CSMD2: variants seen among roughly 807,000 people sequenced by gnomAD.
The protein encoded by CSMD2 is CUB and sushi domain-containing protein 2.
Under a neutral mutation model 398.5 loss-of-function variants are expected in CSMD2, and 130 were observed. That is an observed-to-expected ratio of 0.33 (90% CI 0.28 to 0.38). The LOEUF is 0.38. Among genes scored for constraint, CSMD2 ranks in the 10% least tolerant of loss-of-function variants. The probability of loss-of-function intolerance (pLI) is 1.00; values close to 1 mark genes in which losing one functional copy is unlikely to be tolerated. For synonymous variants in CSMD2, 1,828 were observed against 1,908.5 expected (o/e 0.96, Z 1.10); for missense variants, 3,829 against 4,764.9 (o/e 0.80, Z 5.78).
At chr1:33,976,448 T>C (rs1415535139) in intron 3 of CSMD2, among the ~76,000 whole-genome samples, 2 of 152,130 alleles carry the variant, frequency 1.3e-5, no homozygotes, top group Admixed American at 6.5e-5. Context: ...CAACCCACCA[T>C]TGCAGCACTA....
intron 4 of CSMD2, among the ~76,000 whole-genome samples, chr1:33,935,117 G>T (rs1030927377): frequency 3.3e-5 from 5 of 151,966 alleles, no homozygotes; most frequent in Admixed American, 3.3e-4. Flanking sequence ...GGAGTAGAGT[G>T]ACAAATGTCT....
At position 33,743,511 on chromosome 1, in the gene CSMD2, T is replaced by C. The variant is rs1253839430; in HGVS notation, c.1942A>G (p.Ile648Val). Reference protein sequence around the residue: ...YGNHLHCVWLILARPESRIHL... With the variant: ...YGNHLHCVWLVLARPESRIHL... ...ATGCGGCTCTCAGGCCTGGCCAGGATGAGCCAGACACAGTGGAGGTGGTTG... is the reference window on the plus strand; with the variant it reads ...ATGCGGCTCTCAGGCCTGGCCAGGACGAGCCAGACACAGTGGAGGTGGTTG... The change falls in exon 14 of 71, where the codon ATC becomes GTC. Residue 648 changes from isoleucine to valine, a missense_variant. Physicochemically the swap from Ile to Val is conservative, Grantham distance 29 (BLOSUM62 3). Transcript: ENST00000373381. The C allele has an allele frequency of 6.2e-7, 1 of 1,614,018 alleles. No individual in the cohort carries two copies. The highest frequency in any genetic ancestry group is 1.1e-5 in the South Asian group (1 of 91,072).
chr1:33,717,157 C>G (rs577292287), intron 19 of CSMD2, among the ~76,000 whole-genome samples: 1 of 152,096 alleles, frequency 6.6e-6, no homozygotes, highest in Admixed American at 6.5e-5. Flanking sequence ...TGAGCAGCAG[C>G]TGGGTGTGGC....
intron 4 of CSMD2, among the ~76,000 whole-genome samples, chr1:33,934,264 C>T (rs1644398974): frequency 1.3e-5 from 2 of 152,178 alleles, no homozygotes; most frequent in African/African-American, 4.8e-5. Context: ...GTTCAGGATC[C>T]ATGGAATTTA....
At chr1:34,047,768 G>A (rs1003525811) in intron 2 of CSMD2, among the ~76,000 whole-genome samples, 5 of 152,180 alleles carry the variant, frequency 3.3e-5, no homozygotes, top group African/African-American at 7.2e-5. Flanking sequence ...AGGGCATGGC[G>A]GGCTGTGGTA....
At chr1:33,932,620 C>T (rs535505920) in intron 4 of CSMD2, among the ~76,000 whole-genome samples, 3 of 152,156 alleles carry the variant, frequency 2.0e-5, no homozygotes, top group Non-Finnish European at 4.4e-5. Flanking sequence ...GACACAAAGA[C>T]ACTGGGTTGT....
At chr1:33,664,846 A>C (rs1453606280) in intron 25 of CSMD2, among the ~76,000 whole-genome samples, 1 of 152,026 alleles carries the variant, frequency 6.6e-6, no homozygotes, top group Non-Finnish European at 1.5e-5. Flanking sequence ...AAAATAAATA[A>C]AAATTTTAAA....
chr1:33,800,487 A>G (rs1470848853), intron 10 of CSMD2, among the ~76,000 whole-genome samples: 1 of 152,090 alleles, frequency 6.6e-6, no homozygotes, highest in Non-Finnish European at 1.5e-5. Flanking sequence ...TCATTTATTC[A>G]CTGATTCATT....
intron 3 of CSMD2, among the ~76,000 whole-genome samples, chr1:34,013,230 C>A (rs947777988): frequency 3.3e-5 from 5 of 152,148 alleles, no homozygotes; most frequent in African/African-American, 1.2e-4. Flanking sequence ...TTCAATCCAT[C>A]GTTCCCTGGG....
chr1:33,555,719 TGTTA>T (rs1181157679), intron 55 of CSMD2, among the ~76,000 whole-genome samples: 1 of 152,214 alleles, frequency 6.6e-6, no homozygotes, highest in East Asian at 1.9e-4. Flanking sequence ...CTCAGATGAT[TGTTA>T]GTATTTTTTA....
intron 56 of CSMD2, among the ~76,000 whole-genome samples, chr1:33,546,735 T>C (rs1656938759): frequency 6.6e-6 from 1 of 152,006 alleles, no homozygotes; most frequent in African/African-American, 2.4e-5. Context: ...TGACCTTTTT[T>C]TTTTTCAAAA....
At chr1:34,159,090 A>G (rs1473564346) in intron 1 of CSMD2, among the ~76,000 whole-genome samples, 1 of 152,148 alleles carries the variant, frequency 6.6e-6, no homozygotes, top group African/African-American at 2.4e-5. Flanking sequence ...TTGTCTCATC[A>G]GCTCTGACTG....
chr1:34,032,017 T>A (rs920297001), intron 3 of CSMD2, among the ~76,000 whole-genome samples: 3 of 152,024 alleles, frequency 2.0e-5, no homozygotes, highest in African/African-American at 7.2e-5. Context: ...ATAATAATAG[T>A]GTATAATCTG....
chr1:33,906,848 G>A (rs992191488), intron 5 of CSMD2, among the ~76,000 whole-genome samples: 4 of 152,086 alleles, frequency 2.6e-5, no homozygotes, highest in Non-Finnish European at 4.4e-5. Context: ...CCTGGGAGAT[G>A]TGTGGAGTGA....
intron 3 of CSMD2, among the ~76,000 whole-genome samples, chr1:33,940,742 T>C (rs960540390): frequency 2.0e-5 from 3 of 152,074 alleles, no homozygotes; most frequent in Non-Finnish European, 2.9e-5. Context: ...TAAACAAGAG[T>C]TCCCTTACTC....
chr1:34,091,328 T>G (rs1658532557), intron 1 of CSMD2, among the ~76,000 whole-genome samples: 1 of 152,192 alleles, frequency 6.6e-6, no homozygotes, highest in African/African-American at 2.4e-5. Context: ...GACACTCTCC[T>G]AAAAACTTTA....
chr1:33,659,617 G>C (rs1156894270), intron 26 of CSMD2, among the ~76,000 whole-genome samples: 1 of 152,326 alleles, frequency 6.6e-6, no homozygotes, highest in South Asian at 2.1e-4. Context: ...GATATTTTGT[G>C]CTTGCTACAG....
intron 12 of CSMD2, among the ~76,000 whole-genome samples, chr1:33,774,023 G>T (rs1432878649): frequency 2.0e-5 from 3 of 152,064 alleles, no homozygotes; most frequent in African/African-American, 4.8e-5. Flanking sequence ...GCGGGCTCTT[G>T]ACTGTTGCAT....
chr1:33,698,271 T>A (rs1029689818), intron 24 of CSMD2, among the ~76,000 whole-genome samples: 1 of 152,190 alleles, frequency 6.6e-6, no homozygotes. Flanking sequence ...GAGCAATGGG[T>A]GTTCTTTATC....
Sources: gnomAD v4.1 joint callset for allele counts (sites outside exome capture counted in the v4.1 genomes callset) on GRCh38, gnomAD v4.1.1 for gene constraint, MANE v1.5 for transcripts, NCBI Gene and HGNC (gene_info 2026-07-23, HGNC 2026-07-21) for gene names.